Variants in SLC44A5 observed in about 807,000 individuals in gnomAD.
The protein encoded by SLC44A5 is choline transporter-like protein 5.
In SLC44A5, 57 loss-of-function variants were observed where a neutral mutation model predicts 101.8. The ratio of observed to expected loss-of-function variants is 0.56; its 90% CI spans 0.45 to 0.70. The LOEUF is 0.70. Ranked by LOEUF, SLC44A5 falls within the 30% of genes least tolerant of loss-of-function variation. The probability of loss-of-function intolerance (pLI) is 0.00; values close to 1 mark genes in which losing one functional copy is unlikely to be tolerated. For synonymous variants in SLC44A5, 281 were observed against 290.9 expected, an observed-to-expected ratio of 0.97 and a Z score of 0.35; for missense variants, 737 against 853.1, an observed-to-expected ratio of 0.86 and a Z score of 1.70.
intron 6 of SLC44A5, among the ~76,000 whole-genome samples, chr1:75,255,298 T>C (rs1269877971): frequency 1.3e-5 from 2 of 152,052 alleles, no homozygotes; most frequent in Non-Finnish European, 2.9e-5. Context: ...ATTAAAATAA[T>C]TAAGGGCATA....
At chr1:75,420,617 A>G (rs1570225032) in intron 2 of SLC44A5, among the ~76,000 whole-genome samples, 1 of 152,244 alleles carries the variant, frequency 6.6e-6, no homozygotes, top group Admixed American at 6.5e-5. Flanking sequence ...AAATTCCTCA[A>G]TTTCTTAGGT....
At chr1:75,678,448 C>T in the SLC44A5 span, among the ~76,000 whole-genome samples, 1 of 152,060 alleles carries the variant, frequency 6.6e-6, no homozygotes. Context: ...AAGTGGGTCC[C>T]TGACCCCTGA....
intron 2 of SLC44A5, among the ~76,000 whole-genome samples, chr1:75,446,870 T>G (rs1402740675): frequency 2.6e-5 from 4 of 152,186 alleles, no homozygotes; most frequent in African/African-American, 4.8e-5. Context: ...TTAAACTGAC[T>G]TTCCCATCTT....
upstream of SLC44A5, chr1:75,615,986 C>T (rs1553217766): frequency 1.5e-6 from 1 of 687,450 alleles, no homozygotes; most frequent in Non-Finnish European, 1.8e-6. Flanking sequence ...TCAGCGAGCT[C>T]TTTGTTGCTG....
the SLC44A5 span, among the ~76,000 whole-genome samples, chr1:75,634,649 T>C: frequency 6.0e-5 from 9 of 151,074 alleles, no homozygotes; most frequent in African/African-American, 1.7e-4. Context: ...TTACACCTTA[T>C]ACAAAAATGA....
intron 2 of SLC44A5, among the ~76,000 whole-genome samples, chr1:75,505,989 A>T (rs867521446): frequency 6.6e-6 from 1 of 152,270 alleles, no homozygotes; most frequent in Middle Eastern, 3.4e-3. Context: ...TTTGAGGTTT[A>T]CATCTAAATA....
At chr1:75,660,633 G>T in the SLC44A5 span, among the ~76,000 whole-genome samples, 2 of 152,020 alleles carry the variant, frequency 1.3e-5, no homozygotes, top group East Asian at 3.9e-4. Context: ...AAAGTTGCAG[G>T]ATATAAAAAC....
chr1:75,369,121 T>C (rs1457651490), intron 3 of SLC44A5, among the ~76,000 whole-genome samples: 1 of 152,032 alleles, frequency 6.6e-6, no homozygotes, highest in East Asian at 1.9e-4. Flanking sequence ...TCAGGGAATC[T>C]TCCTGCCTCA....
chr1:75,661,730 C>T, the SLC44A5 span, among the ~76,000 whole-genome samples: 2 of 152,036 alleles, frequency 1.3e-5, no homozygotes, highest in Non-Finnish European at 2.9e-5. Context: ...AAATGTTCAA[C>T]AGGTATATTT....
At chr1:75,342,941 T>C (rs142253778) in intron 3 of SLC44A5, among the ~76,000 whole-genome samples, 19 of 152,300 alleles carry the variant, frequency 1.2e-4, no homozygotes, top group African/African-American at 4.3e-4. Context: ...TACTTCACCC[T>C]GCCCCCATGT....
intron 8 of SLC44A5, 25 bp from the exon 9 acceptor site, chr1:75,242,086 C>T (rs746941520): frequency 3.1e-6 from 5 of 1,593,320 alleles, no homozygotes; most frequent in Admixed American, 3.4e-5. Context: ...AGAACGTTAA[C>T]ATTTCAAAGG....
chr1:75,449,256 G>T (rs988035287), intron 2 of SLC44A5, among the ~76,000 whole-genome samples: 2 of 152,172 alleles, frequency 1.3e-5, no homozygotes, highest in Non-Finnish European at 2.9e-5. Context: ...TTTCAATTAT[G>T]TCTTGCCACA....
At chr1:75,224,699 G>A (rs1407679232) in intron 13 of SLC44A5, among the ~76,000 whole-genome samples, 7 of 151,788 alleles carry the variant, frequency 4.6e-5, no homozygotes, top group Non-Finnish European at 7.4e-5. Flanking sequence ...GCCTCCCAAA[G>A]TGCTAGGATT....
intron 9 of SLC44A5, among the ~76,000 whole-genome samples, chr1:75,239,942 T>C (rs1232084146): frequency 6.6e-6 from 1 of 151,708 alleles, no homozygotes; most frequent in African/African-American, 2.4e-5. Context: ...CCATGGTCAG[T>C]TTCTCTCATG....
At chr1:75,606,077 T>C (rs928686673) in intron 1 of SLC44A5, among the ~76,000 whole-genome samples, 2 of 151,982 alleles carry the variant, frequency 1.3e-5, no homozygotes, top group Non-Finnish European at 2.9e-5. Context: ...TTGAGAAGCA[T>C]TAGGCTAGTT....
chr1:75,625,687 T>A, the SLC44A5 span, among the ~76,000 whole-genome samples: 2 of 152,176 alleles, frequency 1.3e-5, no homozygotes, highest in African/African-American at 4.8e-5. Flanking sequence ...CTATCAGTGA[T>A]ACTGCGTCTC....
chr1:75,673,050 A>T, the SLC44A5 span, among the ~76,000 whole-genome samples: 2 of 151,586 alleles, frequency 1.3e-5, no homozygotes, highest in Non-Finnish European at 2.9e-5. Context: ...TTGAGAAAAG[A>T]CTCCTGCTTG....
the SLC44A5 span, among the ~76,000 whole-genome samples, chr1:75,649,510 G>GA: frequency 6.6e-6 from 1 of 151,936 alleles, no homozygotes; most frequent in Non-Finnish European, 1.5e-5. Flanking sequence ...GGATCCTTGG[G>GA]AAAAATTTAA....
At chr1:75,503,918 GA>G (rs1440702145) in intron 2 of SLC44A5, among the ~76,000 whole-genome samples, 1 of 152,122 alleles carries the variant, frequency 6.6e-6, no homozygotes, top group East Asian at 1.9e-4. Flanking sequence ...AAGACCTGAG[GA>G]AATGTAGGAT....
Sources: gnomAD v4.1 joint callset for allele counts (sites outside exome capture counted in the v4.1 genomes callset) on GRCh38, gnomAD v4.1.1 for gene constraint, MANE v1.5 for transcripts, NCBI Gene and HGNC (gene_info 2026-07-23, HGNC 2026-07-21) for gene names.